Variants in ROBO2 observed in about 807,000 individuals in gnomAD.
ROBO2 encodes the protein roundabout homolog 2.
In ROBO2, 53 loss-of-function variants were observed where a neutral mutation model predicts 160.8. The ratio of observed to expected loss-of-function variants is 0.33; its 90% CI spans 0.26 to 0.41. ROBO2 has a LOEUF of 0.41. Ranked by LOEUF, ROBO2 falls within the 10% of genes least tolerant of loss-of-function variation. The pLI is 1.00. For missense variants in ROBO2, 1,577 were observed against 1,722.4 expected (o/e 0.92, Z 1.49); for synonymous variants, 664 against 611.7 (o/e 1.09, Z -1.26).
At chr3:76,017,756 G>A (rs72890369) in intron 2 of ROBO2, among the ~76,000 whole-genome samples, 2,523 of 152,072 alleles carry the variant, frequency 0.017, 64 homozygotes, top group African/African-American at 0.057. Context: ...ATAATGTGGA[G>A]CAAAACTATA....
At chr3:75,910,632 T>C (rs1576100834) in intron 1 of ROBO2, among the ~76,000 whole-genome samples, 2 of 152,170 alleles carry the variant, frequency 1.3e-5, no homozygotes, top group South Asian at 2.1e-4. Context: ...CATGGAGATA[T>C]ATGAATGGTA....
chr3:76,689,788 T>A (rs186489083), intron 2 of ROBO2, among the ~76,000 whole-genome samples: 1 of 152,300 alleles, frequency 6.6e-6, no homozygotes, highest in East Asian at 1.9e-4. Flanking sequence ...TTAAAATTCT[T>A]TTTTCCTCTT....
At chr3:76,267,370 A>G (rs1210209635) in intron 2 of ROBO2, among the ~76,000 whole-genome samples, 2 of 152,156 alleles carry the variant, frequency 1.3e-5, no homozygotes, top group African/African-American at 4.8e-5. Context: ...AGCCATCACT[A>G]ACTCATTTGG....
At chr3:76,777,675 C>T (rs934168458) in intron 2 of ROBO2, among the ~76,000 whole-genome samples, 7 of 150,660 alleles carry the variant, frequency 4.6e-5, no homozygotes. Flanking sequence ...AAAAATTGCA[C>T]GTGCTTTACT....
chr3:76,540,979 T>A (rs1410523659), intron 2 of ROBO2, among the ~76,000 whole-genome samples: 1 of 152,098 alleles, frequency 6.6e-6, no homozygotes, highest in Non-Finnish European at 1.5e-5. Context: ...TTTGTATTTT[T>A]AGTAGAAATG....
At chr3:77,406,757 A>G (rs773849088) in intron 2 of ROBO2, among the ~76,000 whole-genome samples, 5 of 151,836 alleles carry the variant, frequency 3.3e-5, no homozygotes, top group African/African-American at 1.2e-4. Context: ...TCCCCACTTC[A>G]TGCTTTCCCA....
chr3:76,929,162 A>G (rs2149041256), intron 2 of ROBO2, among the ~76,000 whole-genome samples: 1 of 152,334 alleles, frequency 6.6e-6, no homozygotes, highest in South Asian at 2.1e-4. Flanking sequence ...CTGGAGGCTG[A>G]GACAGGAGAA....
intron 2 of ROBO2, among the ~76,000 whole-genome samples, chr3:76,192,963 T>A (rs1702084387): frequency 6.6e-6 from 1 of 152,152 alleles, no homozygotes. Context: ...TCAAAGGTCA[T>A]CAATAATAAA....
At chr3:76,037,454 C>T (rs533216885) in intron 2 of ROBO2, among the ~76,000 whole-genome samples, 2 of 151,780 alleles carry the variant, frequency 1.3e-5, no homozygotes, top group South Asian at 2.1e-4. Context: ...GACGGGGTTT[C>T]ACTTGTTGGC....
chr3:77,451,603 C>T (rs977132454), intron 2 of ROBO2, among the ~76,000 whole-genome samples: 1 of 151,974 alleles, frequency 6.6e-6, no homozygotes, highest in African/African-American at 2.4e-5. Context: ...AAGATAATTG[C>T]AAGATCTCAC....
chr3:76,572,171 G>T (rs1341652917), intron 2 of ROBO2, among the ~76,000 whole-genome samples: 1 of 152,140 alleles, frequency 6.6e-6, no homozygotes, highest in African/African-American at 2.4e-5. Context: ...TAGCAGGGCA[G>T]TACTATCACT....
chr3:76,467,942 T>G (rs1319306177), intron 2 of ROBO2, among the ~76,000 whole-genome samples: 1 of 152,130 alleles, frequency 6.6e-6, no homozygotes, highest in Admixed American at 6.6e-5. Context: ...TTTTTAAAAA[T>G]TAATTTTCTT....
intron 2 of ROBO2, among the ~76,000 whole-genome samples, chr3:76,115,505 C>T (rs2070428262): frequency 6.6e-6 from 1 of 152,060 alleles, no homozygotes; most frequent in Non-Finnish European, 1.5e-5. Context: ...ATGCTTTCAT[C>T]TCAGTCCAAG....
chr3:76,830,593 T>C (rs1203005199), intron 2 of ROBO2, among the ~76,000 whole-genome samples: 5 of 152,084 alleles, frequency 3.3e-5, no homozygotes, highest in Non-Finnish European at 7.3e-5. Context: ...TTCAAGTACT[T>C]TGAAGAATTT....
chr3:76,877,692 A>G (rs765186711), intron 2 of ROBO2, among the ~76,000 whole-genome samples: 12 of 152,210 alleles, frequency 7.9e-5, no homozygotes, highest in Non-Finnish European at 1.8e-4. Context: ...CAGCTGCCAT[A>G]GCAAATTACC....
At chr3:77,550,109 T>C (rs774200374) in intron 7 of ROBO2, among the ~76,000 whole-genome samples, 5 of 152,054 alleles carry the variant, frequency 3.3e-5, no homozygotes, top group Non-Finnish European at 7.4e-5. Context: ...ATATGAGATA[T>C]AGAGTAAACT....
chr3:77,391,859 C>T (rs72899129), intron 2 of ROBO2, among the ~76,000 whole-genome samples: 6,070 of 152,016 alleles, frequency 0.04, 398 homozygotes, highest in African/African-American at 0.14. Flanking sequence ...CATTCCTGGC[C>T]GAAAGCATTC....
chr3:76,968,822 T>C (rs1325505204), intron 2 of ROBO2, among the ~76,000 whole-genome samples: 1 of 152,218 alleles, frequency 6.6e-6, no homozygotes, highest in African/African-American at 2.4e-5. Context: ...TTATGTAGGT[T>C]ATACTTTTTT....
chr3:76,943,833 G>C (rs915381658), intron 2 of ROBO2, among the ~76,000 whole-genome samples: 36 of 152,230 alleles, frequency 2.4e-4, no homozygotes, highest in African/African-American at 8.7e-4. Context: ...TAGATATACT[G>C]TGTCATTTAC....
Sources: allele counts gnomAD v4.1 joint callset (sites outside exome capture counted in the v4.1 genomes callset), GRCh38; gene constraint gnomAD v4.1.1; transcripts MANE v1.5; gene names NCBI Gene and HGNC (gene_info 2026-07-23, HGNC 2026-07-21).